Variants in RUBCN observed in about 807,000 individuals in gnomAD.
RUBCN encodes the protein rubicon autophagy regulator, also known as run domain Beclin-1-interacting and cysteine-rich domain-containing protein.
Under a neutral mutation model 113.2 loss-of-function variants are expected in RUBCN, and 74 were observed. That is an observed-to-expected ratio of 0.65 (90% CI 0.54 to 0.79). The LOEUF (loss-of-function observed/expected upper bound fraction) is 0.79. Ranked by LOEUF, RUBCN falls within the 30% of genes least tolerant of loss-of-function variation. The probability of loss-of-function intolerance (pLI) is 0.00; values close to 1 mark genes in which losing one functional copy is unlikely to be tolerated. For missense variants in RUBCN, 1,109 were observed against 1,251.7 expected, an observed-to-expected ratio of 0.89 and a Z score of 1.72; for synonymous variants, 480 against 490.0, an observed-to-expected ratio of 0.98 and a Z score of 0.27.
chr3:197,718,154 A>G (rs770235396), intron 1 of RUBCN, 24 bp from the exon 2 acceptor site: 1 of 1,613,996 alleles, frequency 6.2e-7, no homozygotes, highest in Admixed American at 1.7e-5. Context: ...AGTTACACCA[A>G]TCGTTAGTTA....
intron 11 of RUBCN, among the ~76,000 whole-genome samples, chr3:197,693,048 T>A (rs1722599172): frequency 6.6e-6 from 1 of 151,840 alleles, no homozygotes; most frequent in African/African-American, 2.4e-5. Flanking sequence ...CCCTGAACTG[T>A]TTTTTTGTTT....
At chr3:197,749,084 G>A (rs1728887663) in intron 1 of RUBCN, among the ~76,000 whole-genome samples, 1 of 152,224 alleles carries the variant, frequency 6.6e-6, no homozygotes, top group African/African-American at 2.4e-5. Flanking sequence ...TTCAGGGAAG[G>A]AGAATGAGGT....
Position 197,674,880 on chromosome 3 carries a change from T to TAA in RUBCN, c.*136_*137dup, listed in dbSNP as rs796413468. 3.3e-3 allele frequency: 1,505 copies of TAA among 458,702 alleles called. No individual in the cohort carries two copies. Among genetic ancestry groups the TAA allele is most frequent in the South Asian group, 4.9e-3 (152 of 30,920 alleles). 28.4% of individuals were successfully genotyped at this position (458,702 alleles called of 1,614,324 possible). A position where few individuals can be genotyped will look rare whatever the true frequency, so the allele number is the denominator to read the frequency against. On this transcript the variant is annotated 3_prime_UTR_variant, in exon 20 of 20. Coordinates refer to ENST00000296343, the MANE Select transcript of RUBCN (RefSeq NM_014687.4). ...TGCACACAGACGTCAGACAAGTCAG[T>TAA]AAAAAAAAAAAAAAAGATGATGATA... is the stretch of plus-strand genomic sequence containing the variant.
Position 197,691,846 on chromosome 3 carries a change from G to T in RUBCN, c.1786+1869C>A, listed in dbSNP as rs1016512355. Among the ~76,000 whole-genome samples, 9 of 152,156 alleles carry T rather than the reference G, an allele frequency of 5.9e-5. 1 individual carries two copies. Among genetic ancestry groups the T allele is most frequent in the African/African-American group, 2.2e-4 (9 of 41,490 alleles). On this transcript the variant is annotated intron_variant, in intron 11 of 19. Coordinates refer to ENST00000296343, the MANE Select transcript of RUBCN (RefSeq NM_014687.4). The stretch of plus-strand genomic sequence containing the variant: ...CCTCTTTCTTTTTTTTTAATTAGGA[G>T]ATGAAGTCAATCACAGACTATGGTA...
At chr3:197,678,212 G>A (rs1330872291) in intron 16 of RUBCN, among the ~76,000 whole-genome samples, 3 of 151,040 alleles carry the variant, frequency 2.0e-5, no homozygotes, top group Non-Finnish European at 2.9e-5. Context: ...GCTTCAGACT[G>A]TTGTATGCTC....
intron 2 of RUBCN, among the ~76,000 whole-genome samples, chr3:197,714,816 T>C (rs1468416684): frequency 6.6e-6 from 1 of 152,130 alleles, no homozygotes; most frequent in African/African-American, 2.4e-5. Context: ...TGATTTTTTT[T>C]TTAAATAGGA....
intron 2 of RUBCN, among the ~76,000 whole-genome samples, chr3:197,716,482 T>G (rs1725529974): frequency 1.3e-5 from 2 of 152,150 alleles, no homozygotes; most frequent in African/African-American, 4.8e-5. Context: ...GTGAACATAT[T>G]TTTGCCTTGG....
intron 7 of RUBCN, among the ~76,000 whole-genome samples, chr3:197,699,407 C>T (rs949004232): frequency 6.6e-6 from 1 of 152,226 alleles, no homozygotes; most frequent in African/African-American, 2.4e-5. Context: ...ACCCATATTT[C>T]CTCAGATCCT....
Position 197,700,637 on chromosome 3 carries a change from T to C in RUBCN, c.1237A>G (p.Ser413Gly). The C allele has an allele frequency of 6.2e-7, 1 of 1,614,136 alleles. No individual in the cohort carries two copies. Among genetic ancestry groups the C allele is most frequent in the Non-Finnish European group, 8.5e-7 (1 of 1,180,022 alleles). The change falls in exon 7 of 20, where the codon AGC becomes GGC. Residue 413 changes from serine (S) to glycine (G), a missense_variant. Physicochemically the swap from Ser to Gly is moderately conservative, Grantham distance 56. Coordinates refer to ENST00000296343, the MANE Select transcript of RUBCN (RefSeq NM_014687.4). ...KSHIRSHSDT[S>G]IASRGAPESC... is the part of the protein sequence containing the mutation. ...CCTGGAGCTCCCCTGGAGGCAATGC[T>C]GGTATCCGAATGGGAGCGAATGTGG...
At chr3:197,721,887 T>G (rs1726208700) in intron 1 of RUBCN, among the ~76,000 whole-genome samples, 1 of 152,208 alleles carries the variant, frequency 6.6e-6, no homozygotes, top group South Asian at 2.1e-4. Flanking sequence ...CATATTTGTA[T>G]AGTTTCCTAA....
chr3:197,744,016 G>A (rs1388316533), intron 1 of RUBCN, among the ~76,000 whole-genome samples: 1 of 151,108 alleles, frequency 6.6e-6, no homozygotes, highest in Non-Finnish European at 1.5e-5. Flanking sequence ...ACTAATATTA[G>A]CTAATAATTA....
chr3:197,684,689 C>CAT (rs896732700), intron 11 of RUBCN, among the ~76,000 whole-genome samples: 4 of 151,204 alleles, frequency 2.6e-5, no homozygotes, highest in East Asian at 1.9e-4. Context: ...CATATATACA[C>CAT]ATATATATAC....
In RUBCN at chr3:197,700,678, C is replaced by T; in HGVS notation, c.1196G>A (p.Ser399Asn). 1 of 1,614,190 alleles carries T rather than the reference C, an allele frequency of 6.2e-7. No individual in the cohort carries two copies. The highest frequency in any genetic ancestry group is 8.5e-7 in the Non-Finnish European group (1 of 1,180,034). The change falls in exon 7 of 20, where the codon AGT becomes AAT. Residue 399 changes from serine to asparagine, a missense_variant. Ser to Asn is a conservative substitution (Grantham distance 46). This residue lies in a region of RUBCN where 736 missense variants were observed against 779.6 expected (regional missense o/e 0.94). Transcript: ENST00000296343. ...FSEGQTLTVT[S>N]GAKKSHIRSH... is the part of the protein sequence containing the mutation. ...GCGAATGTGGCTTTTCTTTGCCCCA[C>T]TGGTGACAGTGAGTGTCTGCCCCTC...
In RUBCN at chr3:197,674,769, G is replaced by A. The variant is rs1170989615; in HGVS notation, c.*249C>T. On this transcript the variant is annotated 3_prime_UTR_variant, in exon 20 of 20. Transcript: ENST00000296343. ...CACTAGAAGCTTCACTGAAGGACCC[G>A]CATGTCAGTTCTGATGGAAACACCT... is the stretch of plus-strand genomic sequence containing the variant. 12 of 516,446 alleles carry A rather than the reference G, an allele frequency of 2.3e-5. No homozygotes were observed. Among genetic ancestry groups the A allele is most frequent in the Admixed American group, 7.4e-5 (2 of 27,148 alleles). The allele number at this position is 516,446 out of a possible 1,614,324, so 32.0% of individuals were successfully genotyped here. A position where few individuals can be genotyped will look rare whatever the true frequency, so the allele number is the denominator to read the frequency against.
chr3:197,720,442 C>G (rs1198102820), intron 1 of RUBCN, among the ~76,000 whole-genome samples: 1 of 152,002 alleles, frequency 6.6e-6, no homozygotes, highest in African/African-American at 2.4e-5. Context: ...GACTCTCACT[C>G]TGTCGCCCAG....
rs545783617 is a variant in RUBCN at position 197,730,585 on chromosome 3, T to G, written c.65+6070A>C. 1.1e-3 allele frequency among the ~76,000 whole-genome samples: 164 copies of G among 151,776 alleles called. 3 individuals carry two copies. The highest frequency in any genetic ancestry group is 2.3e-3 in the African/African-American group (97 of 41,358). ...CACCCTAGATTTTTTTTTTTTTTTTTTGAGAGAGAAAGTGGGACCAGGGGG... is the reference window on the plus strand; with the variant it reads ...CACCCTAGATTTTTTTTTTTTTTTTGTGAGAGAGAAAGTGGGACCAGGGGG... On this transcript the variant is annotated intron_variant, in intron 1 of 19. Transcript: ENST00000296343.
chr3:197,706,494 C>T (rs992217429), intron 2 of RUBCN, among the ~76,000 whole-genome samples: 1 of 151,850 alleles, frequency 6.6e-6, no homozygotes, highest in Admixed American at 6.6e-5. Context: ...CCAGCCTGGG[C>T]AACATAGCGA....
rs760159228 is a variant in RUBCN, at chr3:197,674,598, G to A, written c.*420C>T. 1.3e-5 allele frequency: 6 copies of A among 472,536 alleles called. No individual in the cohort carries two copies. Among genetic ancestry groups the A allele is most frequent in the Middle Eastern group, 3.5e-4 (1 of 2,886 alleles). The allele number at this position is 472,536 out of a possible 1,614,324, so 29.3% of individuals were successfully genotyped here. ...CCATCCCCGTTTCAGCAGCAGGAGA[G>A]GTGGTTGAGAAAGGCCTGGCTCAGA... On this transcript the variant is annotated 3_prime_UTR_variant, in exon 20 of 20. Transcript: ENST00000296343.
intron 2 of RUBCN, among the ~76,000 whole-genome samples, chr3:197,717,726 T>C (rs768315249): frequency 1.3e-5 from 2 of 152,188 alleles, no homozygotes; most frequent in African/African-American, 4.8e-5. Flanking sequence ...ACAGCAACAA[T>C]AGGAAAGTTT....
Sources: gnomAD v4.1 joint callset for allele counts (sites outside exome capture counted in the v4.1 genomes callset) on GRCh38, gnomAD v4.1.1 for gene constraint, gnomAD v4.1.1 regional missense constraint, MANE v1.5 for transcripts, NCBI Gene and HGNC (gene_info 2026-07-23, HGNC 2026-07-21) for gene names.